Variants in ATF7 observed in about 807,000 individuals in gnomAD.
The protein encoded by ATF7 is cyclic AMP-dependent transcription factor ATF-7.
ATF7 carries 10 observed loss-of-function variants against 50.4 expected under a neutral mutation model. The observed-to-expected ratio is 0.20, with a 90% CI of 0.12 to 0.34. The LOEUF (loss-of-function observed/expected upper bound fraction) is 0.34. Among genes scored for constraint, ATF7 ranks in the 10% least tolerant of loss-of-function variants. The pLI, the probability that ATF7 is intolerant of heterozygous loss-of-function variation, is 1.00. For synonymous variants in ATF7, 201 were observed against 226.4 expected, an observed-to-expected ratio of 0.89 and a Z score of 1.01; for missense variants, 465 against 613.9, an observed-to-expected ratio of 0.76 and a Z score of 2.56.
At chr12:53,533,306 C>T (rs759778784) in intron 6 of ATF7, 47 bp from the exon 7 acceptor site, 2 of 1,442,940 alleles carry the variant, frequency 1.4e-6, no homozygotes, top group East Asian at 2.3e-5. Context: ...ACCTTTTGTC[C>T]ATGGATCTTC....
chr12:53,587,835 ATATATATAT>A (rs1243100853), intron 2 of ATF7, among the ~76,000 whole-genome samples: 4 of 47,264 alleles, frequency 8.5e-5, no homozygotes, highest in Non-Finnish European at 1.9e-4. Context: ...ATATATATAT[ATATATATAT>A]TTTTTTTTTT....
At chr12:53,621,788 CAAA>C (rs559780353) in intron 1 of ATF7, among the ~76,000 whole-genome samples, 12,449 of 81,200 alleles carry the variant, frequency 0.15, 386 homozygotes, top group Non-Finnish European at 0.17. Context: ...GACTCTGTCT[CAAA>C]AAAAAAAAAA....
intron 2 of ATF7, among the ~76,000 whole-genome samples, chr12:53,583,336 A>C (rs1942525971): frequency 6.6e-6 from 1 of 151,954 alleles, no homozygotes; most frequent in African/African-American, 2.4e-5. Flanking sequence ...TGAGGGATCT[A>C]GGTTGTATGC....
In ATF7 at chr12:53,552,811, C is replaced by G. The variant is rs3741652; in HGVS notation, c.49-174G>C. Among the ~76,000 whole-genome samples, 65,059 of 151,790 alleles carry G rather than the reference C, an allele frequency of 0.43. 14,306 individuals carry two copies. Among genetic ancestry groups the G allele is most frequent in the East Asian group, 0.73 (3,794 of 5,162 alleles). ...AGATGGAGAAAAAAGGGTGCTAGAACGCAGGGAGAAGAGGAGATGGGGAAG... is the reference window on the plus strand; with the variant it reads ...AGATGGAGAAAAAAGGGTGCTAGAAGGCAGGGAGAAGAGGAGATGGGGAAG... On this transcript the variant is annotated intron_variant, in intron 2 of 11. Transcript: ENST00000420353.
intron 3 of ATF7, among the ~76,000 whole-genome samples, 159 bp from the exon 4 acceptor site, chr12:53,543,607 C>G (rs1939703612): frequency 1.3e-5 from 2 of 152,142 alleles, no homozygotes; most frequent in Admixed American, 6.5e-5. Flanking sequence ...TAGGCGAAGG[C>G]TGGTGTAGGC....
intron 9 of ATF7, among the ~76,000 whole-genome samples, chr12:53,525,633 AC>A (rs1938407356): frequency 6.6e-6 from 1 of 152,100 alleles, no homozygotes; most frequent in African/African-American, 2.4e-5. Context: ...ATACTGAAGA[AC>A]CCCCTTTTGT....
At chr12:53,522,850 G>C (rs1045309324) in intron 11 of ATF7, 1 of 165,588 alleles carries the variant, frequency 6.0e-6, no homozygotes, top group African/African-American at 2.4e-5. Context: ...CTGGGCGACA[G>C]AGCAAGACTC....
chr12:53,595,251 G>C (rs1261295179), intron 2 of ATF7, among the ~76,000 whole-genome samples: 1 of 152,160 alleles, frequency 6.6e-6, no homozygotes, highest in African/African-American at 2.4e-5. Context: ...TGTAAACATA[G>C]CATATACTAC....
chr12:53,587,843 A>ATATATATATATATATATATATATATTTTT, intron 2 of ATF7, among the ~76,000 whole-genome samples: 6 of 61,564 alleles, frequency 9.7e-5, no homozygotes, highest in Non-Finnish European at 1.7e-4. Context: ...ATATATATAT[A>ATATATATATATATATATATATATATTTTT]TTTTTTTTTT....
chr12:53,552,476 G>A, intron 3 of ATF7, 65 bp downstream of exon 3: 3 of 1,238,200 alleles, frequency 2.4e-6, no homozygotes, highest in Non-Finnish European at 3.6e-6. Flanking sequence ...AGTACATCTG[G>A]TCTCTGGTAT....
rs914089741 is a variant in ATF7, at chr12:53,531,143, G to A, written c.927+601C>T. On this transcript the variant is annotated intron_variant, in intron 9 of 11. Coordinates refer to ENST00000420353, the MANE Select transcript of ATF7 (RefSeq NM_006856.3). ...ACTCATATATGGAAAAAATGGGGCTGGGCATGGTGGCTCACGCCTGGAATC... is the reference window on the plus strand; with the variant it reads ...ACTCATATATGGAAAAAATGGGGCTAGGCATGGTGGCTCACGCCTGGAATC... 4.6e-5 allele frequency among the ~76,000 whole-genome samples: 7 copies of A among 151,950 alleles called. No individual in the cohort carries two copies. The South Asian group carries it at 1.0e-3, about 23-fold the overall frequency.
intron 2 of ATF7, among the ~76,000 whole-genome samples, chr12:53,576,568 C>G (rs1356861747): frequency 6.6e-6 from 1 of 152,198 alleles, no homozygotes; most frequent in Non-Finnish European, 1.5e-5. Flanking sequence ...CTCCTCTCCT[C>G]TGGAGGATGC....
intron 4 of ATF7, among the ~76,000 whole-genome samples, chr12:53,538,134 C>T (rs1305821284): frequency 6.6e-6 from 1 of 151,954 alleles, no homozygotes. Flanking sequence ...CAATGGTAAA[C>T]AAATATTTAT....
intron 2 of ATF7, among the ~76,000 whole-genome samples, chr12:53,555,818 T>C (rs1940714695): frequency 6.6e-6 from 1 of 150,918 alleles, no homozygotes; most frequent in Non-Finnish European, 1.5e-5. Flanking sequence ...TCTTTTTTTG[T>C]TTTGTTTTGT....
intron 9 of ATF7, among the ~76,000 whole-genome samples, chr12:53,530,769 C>T (rs1057453567): frequency 1.3e-5 from 2 of 151,578 alleles, no homozygotes; most frequent in Non-Finnish European, 2.9e-5. Context: ...CACCATGCCC[C>T]GCTAATTTTT....
intron 2 of ATF7, among the ~76,000 whole-genome samples, chr12:53,576,943 C>A (rs1942104392): frequency 6.6e-6 from 1 of 152,132 alleles, no homozygotes; most frequent in Admixed American, 6.6e-5. Context: ...GTAGTCCCAA[C>A]TACTCAGGAG....
intron 2 of ATF7, among the ~76,000 whole-genome samples, chr12:53,576,820 T>C (rs1942093647): frequency 6.6e-6 from 1 of 152,100 alleles, no homozygotes; most frequent in Non-Finnish European, 1.5e-5. Flanking sequence ...TTTGGGAGGC[T>C]GAGGTGGGTG....
At position 53,524,800 on chromosome 12, in the gene ATF7, C is replaced by T; in HGVS notation, c.928-39G>A. ...AGGAAGAGAGGTTACTTGATGGGAA[C>T]ATTAATCCTTTCCAAATCACACCTG... is the stretch of plus-strand genomic sequence containing the variant. On this transcript the variant is annotated intron_variant, in intron 9 of 11. Transcript: ENST00000420353. This position sits in a 1 kb window ranked among gnomAD's most constrained non-coding sequence, Gnocchi z 4.6. 2 of 1,497,126 alleles carry T rather than the reference C, an allele frequency of 1.3e-6. No homozygotes were observed. Among genetic ancestry groups the T allele is most frequent in the South Asian group, 1.3e-5 (1 of 79,822 alleles). 92.7% of individuals were successfully genotyped at this position (1,497,126 alleles called of 1,614,324 possible).
chr12:53,586,307 C>T (rs4759245), intron 2 of ATF7, among the ~76,000 whole-genome samples: 69,790 of 151,772 alleles, frequency 0.46, 16,954 homozygotes, highest in East Asian at 0.92. Context: ...CTACAGTCTC[C>T]GTTAGTCCTA....
Sources: allele counts gnomAD v4.1 joint callset (sites outside exome capture counted in the v4.1 genomes callset), GRCh38; gene constraint gnomAD v4.1.1; non-coding constraint Gnocchi (gnomAD v3.1); transcripts MANE v1.5; gene names NCBI Gene and HGNC (gene_info 2026-07-23, HGNC 2026-07-21).